The following PPFIA1 variants were observed in gnomAD, a reference collection of about 807,000 sequenced individuals.
The protein encoded by PPFIA1 is PPFI scaffold protein A1.
Under a neutral mutation model 149.9 loss-of-function variants are expected in PPFIA1, and 25 were observed. The ratio of observed to expected loss-of-function variants is 0.17; its 90% confidence interval spans 0.12 to 0.23. PPFIA1 has a LOEUF of 0.23. Among genes scored for constraint, PPFIA1 ranks in the 10% least tolerant of loss-of-function variants. The pLI, the probability that PPFIA1 is intolerant of heterozygous loss-of-function variation, is 1.00. For missense variants in PPFIA1, 1,362 were observed against 1,506.5 expected, an observed-to-expected ratio of 0.90 and a Z score of 1.59; for synonymous variants, 549 against 552.8, an observed-to-expected ratio of 0.99 and a Z score of 0.10.
chr11:70,305,214 A>G (rs1051729847), intron 2 of PPFIA1, among the ~76,000 whole-genome samples: 5 of 152,198 alleles, frequency 3.3e-5, no homozygotes, highest in Non-Finnish European at 5.9e-5. Flanking sequence ...GACAGTTGCC[A>G]CAGCAAAAAA....
In PPFIA1 at chr11:70,378,161, C is replaced by T. The variant is rs374468603; in HGVS notation, c.3516C>T (p.Ser1172=). 48 of 1,613,974 alleles carry T rather than the reference C, an allele frequency of 3.0e-5. No homozygotes were observed. The highest frequency in any genetic ancestry group is 1.6e-4 in the African/African-American group (12 of 74,908). Residue 1172 remains serine (S), a synonymous_variant, in exon 26 of 28, where the codon TCC becomes TCT. Transcript: ENST00000253925. ...ANFRVTSSMS[S]PSMQPKKMQM... Reference sequence around the variant, plus strand: ...TCCGGGTGACTTCTTCTATGTCTTCCCCCTCTATGCAGCCAAAGAAGATGC... The same window carrying T: ...TCCGGGTGACTTCTTCTATGTCTTCTCCCTCTATGCAGCCAAAGAAGATGC...
intron 19 of PPFIA1, among the ~76,000 whole-genome samples, chr11:70,361,218 A>G (rs1385029733): frequency 6.6e-6 from 1 of 152,186 alleles, no homozygotes; most frequent in Non-Finnish European, 1.5e-5. Flanking sequence ...AATGATGAGC[A>G]TGTATAGTCG....
intron 26 of PPFIA1, 180 bp downstream of exon 26, chr11:70,378,375 CATA>C (rs2135458542): frequency 3.1e-6 from 4 of 1,300,186 alleles, no homozygotes; most frequent in African/African-American, 3.0e-5. Context: ...AAAGTTTAAC[CATA>C]ATAATAGAAT....
chr11:70,343,733 C>G lies in PPFIA1; in HGVS notation c.1772C>G (p.Ala591Gly). 6.2e-7 allele frequency: 1 copy of G among 1,614,108 alleles called. No homozygotes were observed. Among genetic ancestry groups the G allele is most frequent in the East Asian group, 2.2e-5 (1 of 44,888 alleles). Residue 591 changes from alanine to glycine, a missense_variant, in exon 15 of 28, where the codon GCA becomes GGA. By Grantham distance (60) the Ala-to-Gly change is moderately conservative. Transcript: ENST00000253925. ...CAAGCTAGTGTCTTGGCAAATGTAG[C>G]ACAAGCATTCGAGAGTGATGCTGAC... ...AQQASVLANV[A>G]QAFESDADVS...
rs1177525763 is a variant in PPFIA1 at position 70,321,011 on chromosome 11, C to T, written c.265-3391C>T. ...AACCACAGAACACTAGTGCTATGGG[C>T]TGAATACTTTTGTGTTCCCTGCTCT... On this transcript the variant is annotated intron_variant, in intron 2 of 27. Transcript: ENST00000253925. Among the ~76,000 whole-genome samples, 3 of 152,198 alleles carry T rather than the reference C, an allele frequency of 2.0e-5. No individual in the cohort carries two copies. The East Asian group carries it at 5.8e-4, about 29-fold the overall frequency.
intron 7 of PPFIA1, 165 bp from the exon 8 acceptor site, chr11:70,330,008 A>C: frequency 5.2e-6 from 3 of 572,068 alleles, no homozygotes; most frequent in Middle Eastern, 4.1e-4. Context: ...TAGCCTCCCA[A>C]AGTGCTGTGA....
intron 16 of PPFIA1, 122 bp downstream of exon 16, chr11:70,348,542 T>A: frequency 1.2e-6 from 1 of 805,118 alleles, no homozygotes; most frequent in Non-Finnish European, 2.0e-6. Flanking sequence ...TTCAAGATTA[T>A]AAAAACTAGT....
At chr11:70,276,935 T>G (rs967122989) in intron 2 of PPFIA1, among the ~76,000 whole-genome samples, 3 of 150,992 alleles carry the variant, frequency 2.0e-5, no homozygotes, top group African/African-American at 7.3e-5. Flanking sequence ...GTAAGTTCTT[T>G]TAAGGGACCA....
At chr11:70,271,057 G>C (rs2050039870) in intron 1 of PPFIA1, 143 bp downstream of exon 1, 1 of 151,938 alleles carries the variant, frequency 6.6e-6, no homozygotes, top group South Asian at 2.1e-4. Context: ...CCGCGGCGCC[G>C]GGTCGCGCTG....
intron 2 of PPFIA1, among the ~76,000 whole-genome samples, chr11:70,293,207 C>G (rs1277521481): frequency 6.6e-6 from 1 of 152,254 alleles, no homozygotes; most frequent in Non-Finnish European, 1.5e-5. Flanking sequence ...TCATCTAATT[C>G]TGTTCCTAGC....
Position 70,272,155 on chromosome 11 carries a change from T to C in PPFIA1, c.1-18T>C, listed in dbSNP as rs1471199808. On this transcript the variant is annotated intron_variant, in intron 1 of 27. Coordinates refer to ENST00000253925, the MANE Select transcript of PPFIA1 (RefSeq NM_003626.5). ...TATTCTGAGCTTAATTACTGTAGCC[T>C]GGGTCTTTCATTTCAAGATGATGTG... is the stretch of plus-strand genomic sequence containing the variant. 1.2e-6 allele frequency: 2 copies of C among 1,611,332 alleles called. No individual in the cohort carries two copies. The highest frequency in any genetic ancestry group is 1.7e-5 in the Admixed American group (1 of 59,842).
chr11:70,362,739 A>G, intron 21 of PPFIA1: 1 of 332,038 alleles, frequency 3.0e-6, no homozygotes, highest in Non-Finnish European at 5.4e-6. Flanking sequence ...GAGCTTTTTT[A>G]AACATAGAAA....
At chr11:70,330,473 G>A (rs751433219) in intron 8 of PPFIA1, among the ~76,000 whole-genome samples, 154 bp downstream of exon 8, 5 of 152,184 alleles carry the variant, frequency 3.3e-5, no homozygotes, top group Non-Finnish European at 5.9e-5. Flanking sequence ...AGTTCCTTCA[G>A]TTTAGAGGTT....
chr11:70,318,547 C>G (rs1427522869), intron 2 of PPFIA1, among the ~76,000 whole-genome samples: 1 of 152,202 alleles, frequency 6.6e-6, no homozygotes, highest in Non-Finnish European at 1.5e-5. Context: ...TCTTTCTTGA[C>G]CTCATATCTT....
intron 10 of PPFIA1, 113 bp downstream of exon 10, chr11:70,333,666 C>A: frequency 1.2e-6 from 1 of 817,912 alleles, no homozygotes. Context: ...TCCTCCAGCT[C>A]AGTTCTGGTC....
At chr11:70,354,241 T>G (rs1332469783) in intron 16 of PPFIA1, 60 bp from the exon 17 acceptor site, 1 of 1,515,168 alleles carries the variant, frequency 6.6e-7, no homozygotes, top group Non-Finnish European at 9.0e-7. Context: ...GGCTATAATT[T>G]AAGGCCTGAG....
chr11:70,370,171 C>T (rs761073042), intron 21 of PPFIA1, among the ~76,000 whole-genome samples: 1 of 151,368 alleles, frequency 6.6e-6, no homozygotes, highest in Non-Finnish European at 1.5e-5. Flanking sequence ...GGCTGGTCCC[C>T]TCTTTCATTC....
intron 2 of PPFIA1, chr11:70,278,890 TA>T: frequency 1.9e-6 from 1 of 532,964 alleles, no homozygotes; most frequent in East Asian, 4.4e-5. Flanking sequence ...GGTCCTGAGA[TA>T]ATAAGGAATC....
At chr11:70,354,225 G>GT (rs1479289767) in intron 16 of PPFIA1, 76 bp from the exon 17 acceptor site, 21 of 1,448,072 alleles carry the variant, frequency 1.5e-5, no homozygotes, top group Admixed American at 2.0e-5. Flanking sequence ...TTTCAAAGAA[G>GT]TTTATGGCTA....
Sources: allele counts gnomAD v4.1 joint callset (sites outside exome capture counted in the v4.1 genomes callset), GRCh38; gene constraint gnomAD v4.1.1; transcripts MANE v1.5; gene names NCBI Gene and HGNC (gene_info 2026-07-23, HGNC 2026-07-21).